The following DGKD variants were observed in gnomAD, a reference collection of about 807,000 sequenced individuals.
The protein encoded by DGKD is diacylglycerol kinase delta, also known as DAG kinase delta.
In DGKD, 68 loss-of-function variants were observed where a neutral mutation model predicts 154.4. That is an observed-to-expected ratio of 0.44 (90% CI 0.36 to 0.54). The LOEUF is 0.54. Ranked by LOEUF, DGKD falls within the 20% of genes least tolerant of loss-of-function variation. The pLI, the probability that DGKD is intolerant of heterozygous loss-of-function variation, is 0.00. For synonymous variants in DGKD, 693 were observed against 638.0 expected, an observed-to-expected ratio of 1.09 and a Z score of -1.30; for missense variants, 1,343 against 1,593.6, an observed-to-expected ratio of 0.84 and a Z score of 2.68.
rs1559174275 is a variant in DGKD, at chr2:233,457,297, C to G, written c.2549C>G (p.Thr850Ser). The G allele has an allele frequency of 6.5e-7, 1 of 1,533,144 alleles. No individual in the cohort carries two copies. The allele number at this position is 1,533,144 out of a possible 1,614,324, so 95.0% of individuals were successfully genotyped here. The change falls in exon 21 of 30, where the codon ACC becomes AGC. Residue 850 changes from threonine to serine, a missense_variant. Physicochemically the swap from Thr to Ser is moderately conservative, Grantham distance 58. Coordinates refer to ENST00000264057, the MANE Select transcript of DGKD (RefSeq NM_152879.3). This position sits in a 1 kb window ranked among gnomAD's most constrained non-coding sequence, Gnocchi z 5.5. ...AACATTCCCAGCTATGCCGGAGGAA[C>G]CAACTTCTGGGGGGGTACCAAGGAA... Reference protein sequence around the residue: ...VLNIPSYAGGTNFWGGTKEDD... With the variant: ...VLNIPSYAGGSNFWGGTKEDD...
At chr2:233,376,711 C>G (rs1014299087) in intron 1 of DGKD, among the ~76,000 whole-genome samples, 1 of 152,128 alleles carries the variant, frequency 6.6e-6, no homozygotes, top group Non-Finnish European at 1.5e-5. Flanking sequence ...ACCGCATGTT[C>G]TCACTCATAG....
chr2:233,379,779 T>A (rs1702787750), intron 1 of DGKD: 1 of 152,200 alleles, frequency 6.6e-6, no homozygotes, highest in Admixed American at 6.5e-5. Context: ...AGTAACTTGC[T>A]TTTTCTTTAC....
intron 17 of DGKD, among the ~76,000 whole-genome samples, chr2:233,451,621 G>A (rs1478212029): frequency 6.6e-6 from 1 of 150,628 alleles, no homozygotes; most frequent in African/African-American, 2.5e-5. Flanking sequence ...AGGCTGGAGT[G>A]CAGTGATGTG....
At position 233,441,828 on chromosome 2, in the gene DGKD, G is replaced by A. The variant is rs2062900953; in HGVS notation, c.1086-59G>A. On this transcript the variant is annotated intron_variant, in intron 9 of 29. Coordinates refer to ENST00000264057, the MANE Select transcript of DGKD (RefSeq NM_152879.3). The surrounding 1 kb of genome is among the most constrained non-coding windows in gnomAD (Gnocchi z 5.6). ...TGGCCCCTCAGCCCCGTACTGACAA[G>A]CCTGTCATTTGTCCTGTGGAATGGA... 7.2e-6 allele frequency: 11 copies of A among 1,530,562 alleles called. No homozygotes were observed. In the Admixed American group the frequency reaches 1.2e-4, roughly 17 times the overall value. The allele number at this position is 1,530,562 out of a possible 1,614,324, so 94.8% of individuals were successfully genotyped here.
At chr2:233,437,260 C>G (rs1157106190) in intron 7 of DGKD, 117 bp from the exon 8 acceptor site, 3 of 913,696 alleles carry the variant, frequency 3.3e-6, no homozygotes, top group African/African-American at 1.6e-5. Flanking sequence ...CAGGCCAGCC[C>G]AGCTCTGAAA....
At position 233,440,563 on chromosome 2, in the gene DGKD, C is replaced by G. The variant is rs377619992; in HGVS notation, c.1086-1324C>G. On this transcript the variant is annotated intron_variant, in intron 9 of 29. Transcript: ENST00000264057. This position sits in a 1 kb window ranked among gnomAD's most constrained non-coding sequence, Gnocchi z 4.9. Reference sequence around the variant, plus strand: ...TCCCCGAGCTGGCATCCGAGGAGCTCTAGTGTTCTGAAGGCTGCAGGGAGG... The same window carrying G: ...TCCCCGAGCTGGCATCCGAGGAGCTGTAGTGTTCTGAAGGCTGCAGGGAGG... Among the ~76,000 whole-genome samples, 1 of 152,104 alleles carries G rather than the reference C, an allele frequency of 6.6e-6. No homozygotes were observed. The highest frequency in any genetic ancestry group is 1.5e-5 in the Non-Finnish European group (1 of 68,016).
chr2:233,389,980 C>T (rs1703482027), intron 2 of DGKD, among the ~76,000 whole-genome samples: 1 of 152,220 alleles, frequency 6.6e-6, no homozygotes, highest in Admixed American at 6.5e-5. Flanking sequence ...GCTGGAGGAA[C>T]AAGCCAGGAG....
intron 28 of DGKD, among the ~76,000 whole-genome samples, chr2:233,467,655 A>C (rs1349810741): frequency 6.6e-6 from 1 of 152,218 alleles, no homozygotes; most frequent in East Asian, 1.9e-4. Context: ...AATCAATCGA[A>C]TATGGTCCTG....
rs773201358 is a variant in DGKD, at chr2:233,459,709, C to T, written c.2695-48C>T. 15 of 1,597,944 alleles carry T rather than the reference C, an allele frequency of 9.4e-6. No homozygotes were observed. Among genetic ancestry groups the T allele is most frequent in the Non-Finnish European group, 1.1e-5 (13 of 1,171,022 alleles). On this transcript the variant is annotated intron_variant, in intron 22 of 29. Transcript: ENST00000264057. The surrounding 1 kb of genome is among the most constrained non-coding windows in gnomAD (Gnocchi z 5.7). ...GTGGTGCTGATAGCACTTTTAAACCCCTGGGGGTTTTGGCTCAGCATGAGT... is the reference window on the plus strand; with the variant it reads ...GTGGTGCTGATAGCACTTTTAAACCTCTGGGGGTTTTGGCTCAGCATGAGT...
In DGKD at chr2:233,436,378, C is replaced by T. The variant is rs764780242; in HGVS notation, c.756C>T (p.Cys252=). ...CTGTGAGCGCCAAGTGCACTGTGTG[C>T]GACAAGACCTGTGGCAGTGTGCTGC... ...NLPVSAKCTV[C]DKTCGSVLRL... The change falls in exon 7 of 30, where the codon TGC becomes TGT. Residue 252 remains cysteine, a synonymous_variant. Coordinates refer to ENST00000264057, the MANE Select transcript of DGKD (RefSeq NM_152879.3). The T allele has an allele frequency of 5.0e-6, 8 of 1,614,168 alleles. No individual in the cohort carries two copies. The highest frequency in any genetic ancestry group is 3.3e-5 in the South Asian group (3 of 91,080).
chr2:233,389,629 G>C (rs1703449542), intron 2 of DGKD, among the ~76,000 whole-genome samples: 1 of 151,882 alleles, frequency 6.6e-6, no homozygotes, highest in Non-Finnish European at 1.5e-5. Context: ...TGGTGGTGCG[G>C]GGAGGGGAAA....
At chr2:233,399,843 T>C (rs537767680) in intron 3 of DGKD, among the ~76,000 whole-genome samples, 1 of 152,220 alleles carries the variant, frequency 6.6e-6, no homozygotes, top group South Asian at 2.1e-4. Context: ...GATGTGCTTA[T>C]GGAGGTGAGA....
chr2:233,369,135 A>G (rs888820088), intron 1 of DGKD, among the ~76,000 whole-genome samples: 2 of 151,996 alleles, frequency 1.3e-5, no homozygotes, highest in African/African-American at 4.8e-5. Flanking sequence ...TTGCATCTCC[A>G]TTTATTTTAT....
intron 3 of DGKD, among the ~76,000 whole-genome samples, chr2:233,427,670 T>A (rs900077818): frequency 6.6e-6 from 1 of 152,220 alleles, no homozygotes; most frequent in Admixed American, 6.5e-5. Flanking sequence ...TTTGCAATTA[T>A]CTTTTAAGTT....
intron 4 of DGKD, 90 bp downstream of exon 4, chr2:233,434,574 C>T (rs2062629305): frequency 1.4e-6 from 2 of 1,444,208 alleles, no homozygotes; most frequent in Non-Finnish European, 1.9e-6. Context: ...CGTGCGGACC[C>T]ACAGTCTGGA....
At chr2:233,461,505 C>T (rs2063643000) in intron 24 of DGKD, among the ~76,000 whole-genome samples, 1 of 152,366 alleles carries the variant, frequency 6.6e-6, no homozygotes, top group African/African-American at 2.4e-5. Context: ...ATTCTCTGCC[C>T]CAGGAGTTGG....
chr2:233,397,158 C>G (rs866448290), intron 3 of DGKD, among the ~76,000 whole-genome samples: 33 of 28,638 alleles, frequency 1.2e-3, no homozygotes, highest in Middle Eastern at 0.025. Flanking sequence ...AGGGTGGCTG[C>G]GGGGGGGGCC....
intron 28 of DGKD, 76 bp from the exon 29 acceptor site, chr2:233,468,347 G>A: frequency 6.4e-7 from 1 of 1,572,096 alleles, no homozygotes; most frequent in Admixed American, 1.7e-5. Context: ...GCTCTCGGGT[G>A]CTGGGTGCCA....
In DGKD at chr2:233,447,768, C is replaced by T. The variant is rs1575141420; in HGVS notation, c.1420-319C>T. 9.9e-6 allele frequency: 11 copies of T among 1,116,228 alleles called. No individual in the cohort carries two copies. In the East Asian group the frequency reaches 7.8e-4, roughly 80 times the overall value. The allele number at this position is 1,116,228 out of a possible 1,614,324, so 69.1% of individuals were successfully genotyped here. Reference sequence around the variant, plus strand: ...CCCAAACCTGGAGCCGACCCGCCAGCATGCCGCTGTCAGGATGAGTAGGGG... The same window carrying T: ...CCCAAACCTGGAGCCGACCCGCCAGTATGCCGCTGTCAGGATGAGTAGGGG... On this transcript the variant is annotated intron_variant, in intron 12 of 29. Transcript: ENST00000264057.
Sources: gnomAD v4.1 joint callset for allele counts (sites outside exome capture counted in the v4.1 genomes callset) on GRCh38, gnomAD v4.1.1 for gene constraint, Gnocchi (gnomAD v3.1) non-coding constraint, MANE v1.5 for transcripts, NCBI Gene and HGNC (gene_info 2026-07-23, HGNC 2026-07-21) for gene names.